The following ASCC1 variants were observed in gnomAD, a reference collection of about 807,000 sequenced individuals.
The protein encoded by ASCC1 is activating signal cointegrator 1 complex subunit 1.
Under a neutral mutation model 46.6 loss-of-function variants are expected in ASCC1, and 35 were observed. The ratio of observed to expected loss-of-function variants is 0.75; its 90% CI spans 0.57 to 0.99. The LOEUF (loss-of-function observed/expected upper bound fraction) is 0.99. Ranked by LOEUF, ASCC1 falls within the 50% of genes least tolerant of loss-of-function variation. The pLI, the probability that ASCC1 is intolerant of heterozygous loss-of-function variation, is 0.00. For missense variants in ASCC1, 376 were observed against 428.7 expected (o/e 0.88, Z 1.09); for synonymous variants, 143 against 146.6 (o/e 0.98, Z 0.18).
intron 6 of ASCC1, among the ~76,000 whole-genome samples, chr10:72,158,266 T>G (rs1485318033): frequency 2.0e-5 from 3 of 152,200 alleles, no homozygotes; most frequent in African/African-American, 7.2e-5. Flanking sequence ...TGATGACACG[T>G]GAGGCAATAA....
At chr10:72,164,805 A>C (rs1444043392) in intron 5 of ASCC1, among the ~76,000 whole-genome samples, 3 of 152,204 alleles carry the variant, frequency 2.0e-5, no homozygotes, top group Non-Finnish European at 4.4e-5. Flanking sequence ...CTTTTTAAAA[A>C]AATGATAGCG....
At chr10:72,139,298 T>C (rs1463594863) in intron 7 of ASCC1, among the ~76,000 whole-genome samples, 1 of 151,852 alleles carries the variant, frequency 6.6e-6, no homozygotes, top group African/African-American at 2.4e-5. Flanking sequence ...TATTTTTTAG[T>C]AGAGACAGGG....
intron 9 of ASCC1, among the ~76,000 whole-genome samples, chr10:72,120,798 T>TC (rs762325724): frequency 1.1e-4 from 16 of 151,896 alleles, no homozygotes; most frequent in Non-Finnish European, 5.9e-5. Context: ...AGAAAGAAAC[T>TC]CCATCAACCT....
intron 5 of ASCC1, among the ~76,000 whole-genome samples, chr10:72,174,096 G>A (rs889380447): frequency 1.3e-5 from 2 of 152,128 alleles, no homozygotes; most frequent in African/African-American, 2.4e-5. Context: ...CCATGCATGC[G>A]AAAGCTTCCT....
chr10:72,145,995 T>C lies in ASCC1; in HGVS notation c.746+6874A>G, dbSNP rs542816630. The stretch of plus-strand genomic sequence containing the variant: ...CCCCATTCCCATCTCACACATTCTA[T>C]TGGAAAATAATGCTCTTTCGTGCCT... On this transcript the variant is annotated intron_variant, in intron 7 of 9. Transcript: ENST00000672957. Among the ~76,000 whole-genome samples, 6 of 152,332 alleles carry C rather than the reference T, an allele frequency of 3.9e-5. No individual in the cohort carries two copies. In the South Asian group the frequency reaches 1.2e-3, roughly 32 times the overall value.
Position 72,098,140 on chromosome 10 carries a change from A to C in ASCC1, c.958-690T>G, listed in dbSNP as rs567064475. 2.0e-5 allele frequency among the ~76,000 whole-genome samples: 3 copies of C among 152,250 alleles called. No individual in the cohort carries two copies. In the East Asian group the frequency reaches 5.8e-4, roughly 29 times the overall value. On this transcript the variant is annotated intron_variant, in intron 9 of 9. Coordinates refer to ENST00000672957, the MANE Select transcript of ASCC1 (RefSeq NM_001198800.3). Reference sequence around the variant, plus strand: ...CCTGTACTTTACAAAAGCTTTCAAAAGTGTGTCAGAGTGAGGGATGAACCA... The same window carrying C: ...CCTGTACTTTACAAAAGCTTTCAAACGTGTGTCAGAGTGAGGGATGAACCA...
chr10:72,205,688 T>C (rs1857110593), intron 3 of ASCC1, among the ~76,000 whole-genome samples: 1 of 150,852 alleles, frequency 6.6e-6, no homozygotes, highest in African/African-American at 2.4e-5. Context: ...TCCCAGCTAC[T>C]TGGAAGGCTG....
chr10:72,213,786 T>C (rs778770891), intron 1 of ASCC1, among the ~76,000 whole-genome samples: 5 of 151,920 alleles, frequency 3.3e-5, no homozygotes, highest in Non-Finnish European at 7.4e-5. Context: ...ACACCTGTAA[T>C]CCCAGCACTT....
At chr10:72,177,872 G>A (rs976100566) in intron 5 of ASCC1, among the ~76,000 whole-genome samples, 1 of 152,222 alleles carries the variant, frequency 6.6e-6, no homozygotes, top group African/African-American at 2.4e-5. Flanking sequence ...CCTTGCTAAT[G>A]TCTGTGAGCA....
intron 8 of ASCC1, among the ~76,000 whole-genome samples, chr10:72,131,524 C>T (rs189627815): frequency 6.6e-6 from 1 of 151,508 alleles, no homozygotes; most frequent in Non-Finnish European, 1.5e-5. Flanking sequence ...CCTACCCAAA[C>T]AAGAGTATAT....
At chr10:72,143,702 A>G (rs1181776083) in intron 7 of ASCC1, among the ~76,000 whole-genome samples, 1 of 150,842 alleles carries the variant, frequency 6.6e-6, no homozygotes, top group Non-Finnish European at 1.5e-5. Flanking sequence ...ATATAATTCC[A>G]GAGATGAGTA....
chr10:72,209,855 C>T (rs577350776), intron 3 of ASCC1, among the ~76,000 whole-genome samples: 2 of 152,278 alleles, frequency 1.3e-5, no homozygotes, highest in Non-Finnish European at 2.9e-5. Flanking sequence ...TGCCAAATCT[C>T]ATGTTGAAAT....
chr10:72,153,066 C>T (rs41282252), intron 6 of ASCC1, 78 bp from the exon 7 acceptor site: 16,117 of 1,569,842 alleles, frequency 0.01, 110 homozygotes, highest in Non-Finnish European at 0.012. Context: ...ATGGTTAATA[C>T]ACATAGTCAA....
rs1209447901 is a variant in ASCC1, at chr10:72,096,834, C to G, written c.*500G>C. The G allele has an allele frequency of 2.2e-6, 1 of 454,058 alleles. No individual in the cohort carries two copies. The highest frequency in any genetic ancestry group is 4.4e-6 in the Non-Finnish European group (1 of 226,800). 28.1% of individuals were successfully genotyped at this position (454,058 alleles called of 1,614,324 possible). A position where few individuals can be genotyped will look rare whatever the true frequency, so the allele number is the denominator to read the frequency against. Reference sequence around the variant, plus strand: ...CAAAAAGACAAGTCACTGTATGATTCCACTTATATGAGATACTGAGAATAG... The same window carrying G: ...CAAAAAGACAAGTCACTGTATGATTGCACTTATATGAGATACTGAGAATAG... On this transcript the variant is annotated 3_prime_UTR_variant, in exon 10 of 10. Transcript: ENST00000672957.
At chr10:72,192,368 T>C (rs1163343360) in intron 5 of ASCC1, among the ~76,000 whole-genome samples, 1 of 150,278 alleles carries the variant, frequency 6.7e-6, no homozygotes, top group Non-Finnish European at 1.5e-5. Context: ...GCCAGAAGAA[T>C]CGCTTGAAGC....
At position 72,196,943 on chromosome 10, in the gene ASCC1, C is replaced by T. The variant is rs1392501987; in HGVS notation, c.357G>A (p.Arg119=). The part of the protein sequence containing the change: ...HRNGVISART[R]IDVLLDTFRR... ...GAAAAGTGTCCAAAAGAACATCAAT[C>T]CGTGTTCGGGCTGAAATTACACCAT... Residue 119 remains arginine, a synonymous_variant, in exon 5 of 10, where the codon CGG becomes CGA. Coordinates refer to ENST00000672957, the MANE Select transcript of ASCC1 (RefSeq NM_001198800.3). The T allele has an allele frequency of 8.1e-6, 13 of 1,613,504 alleles. No homozygotes were observed. The highest frequency in any genetic ancestry group is 1.0e-5 in the Non-Finnish European group (12 of 1,180,018).
chr10:72,135,602 C>T (rs1277876243), intron 7 of ASCC1, among the ~76,000 whole-genome samples: 7 of 152,088 alleles, frequency 4.6e-5, no homozygotes, highest in Non-Finnish European at 7.4e-5. Flanking sequence ...GCCCATGGAA[C>T]GACTTCAGTA....
At chr10:72,101,202 C>T (rs1218110945) in intron 9 of ASCC1, among the ~76,000 whole-genome samples, 1 of 152,166 alleles carries the variant, frequency 6.6e-6, no homozygotes, top group African/African-American at 2.4e-5. Context: ...GAGGGAAATG[C>T]TGATGACCTG....
At chr10:72,161,496 C>T in intron 6 of ASCC1, 42 bp downstream of exon 6, 2 of 1,613,792 alleles carry the variant, frequency 1.2e-6, no homozygotes, top group East Asian at 2.2e-5. Flanking sequence ...AAGAAGCCAG[C>T]CCAGGTAGAC....
Sources: gnomAD v4.1 joint callset for allele counts (sites outside exome capture counted in the v4.1 genomes callset) on GRCh38, gnomAD v4.1.1 for gene constraint, MANE v1.5 for transcripts, NCBI Gene and HGNC (gene_info 2026-07-23, HGNC 2026-07-21) for gene names.